RIN2: variants seen among roughly 807,000 people sequenced by gnomAD.
RIN2 encodes RAB5 interacting protein 2.
Under a neutral mutation model 78.0 loss-of-function variants are expected in RIN2, and 36 were observed. The observed-to-expected ratio is 0.46, with a 90% CI of 0.35 to 0.61. RIN2 has a LOEUF of 0.61. Ranked by LOEUF, RIN2 falls within the 20% of genes least tolerant of loss-of-function variation. The pLI is 0.00. For synonymous variants in RIN2, 466 were observed against 466.8 expected (o/e 1.00, Z 0.02); for missense variants, 1,087 against 1,159.7 (o/e 0.94, Z 0.91).
intron 2 of RIN2, among the ~76,000 whole-genome samples, chr20:19,809,855 T>C (rs998484482): frequency 6.6e-6 from 1 of 152,058 alleles, no homozygotes; most frequent in African/African-American, 2.4e-5. Flanking sequence ...TACAAGAAGA[T>C]GGCCCAAGAC....
At chr20:19,864,759 G>C (rs1404518748) in intron 2 of RIN2, among the ~76,000 whole-genome samples, 1 of 152,206 alleles carries the variant, frequency 6.6e-6, no homozygotes, top group East Asian at 1.9e-4. Flanking sequence ...ACATATACTC[G>C]CTGCCTGTGA....
chr20:19,955,239 A>G (rs900186858), intron 4 of RIN2, among the ~76,000 whole-genome samples: 1 of 152,180 alleles, frequency 6.6e-6, no homozygotes, highest in Non-Finnish European at 1.5e-5. Flanking sequence ...CTGTCACTGA[A>G]CAAGATGCTT....
intron 2 of RIN2, among the ~76,000 whole-genome samples, chr20:19,821,301 TACC>T (rs2035919405): frequency 6.6e-6 from 1 of 152,192 alleles, no homozygotes; most frequent in Admixed American, 6.5e-5. Flanking sequence ...TGGTGAATTA[TACC>T]ACTATCCACT....
intron 3 of RIN2, among the ~76,000 whole-genome samples, chr20:19,928,986 T>C (rs2040338624): frequency 6.6e-6 from 1 of 152,136 alleles, no homozygotes; most frequent in African/African-American, 2.4e-5. Flanking sequence ...ATCCCTTGGG[T>C]TGGGGTCTTT....
chr20:19,890,967 A>G (rs1295858897), intron 3 of RIN2, among the ~76,000 whole-genome samples: 11 of 152,234 alleles, frequency 7.2e-5, no homozygotes, highest in Non-Finnish European at 1.5e-4. Context: ...CTTGACAAGT[A>G]AACCCTTGTT....
intron 2 of RIN2, among the ~76,000 whole-genome samples, chr20:19,839,435 A>G (rs547085293): frequency 2.0e-5 from 3 of 152,320 alleles, no homozygotes; most frequent in African/African-American, 7.2e-5. Context: ...AGATGAAGAC[A>G]TGGAAACTCG....
At chr20:19,992,734 A>AT (rs1028098804) in intron 11 of RIN2, among the ~76,000 whole-genome samples, 73 of 152,082 alleles carry the variant, frequency 4.8e-4, no homozygotes, top group South Asian at 1.5e-3. Flanking sequence ...AATAAATGCC[A>AT]TTTTTTTTGG....
At chr20:19,839,195 G>A (rs142752943) in intron 2 of RIN2, among the ~76,000 whole-genome samples, 3 of 152,330 alleles carry the variant, frequency 2.0e-5, no homozygotes, top group East Asian at 1.9e-4. Flanking sequence ...GAACAAAACC[G>A]GTGAGAAAAG....
intron 2 of RIN2, among the ~76,000 whole-genome samples, chr20:19,840,718 TC>T (rs2036552417): frequency 6.6e-6 from 1 of 152,196 alleles, no homozygotes. Context: ...AAGCCTTGAA[TC>T]CACACAGTTC....
chr20:19,764,683 A>G (rs1004840128), intron 1 of RIN2, among the ~76,000 whole-genome samples: 1 of 152,092 alleles, frequency 6.6e-6, no homozygotes, highest in African/African-American at 2.4e-5. Context: ...TCAATCAATT[A>G]CCTAGCCTTT....
At chr20:19,943,934 A>G (rs1270899953) in intron 4 of RIN2, among the ~76,000 whole-genome samples, 1 of 149,368 alleles carries the variant, frequency 6.7e-6, no homozygotes, top group Admixed American at 6.7e-5. Context: ...CTCCAGACTA[A>G]TAGAATATTA....
At chr20:19,788,439 A>AAAAAAAAAAAAAAAAACC (rs1555818733) in intron 1 of RIN2, among the ~76,000 whole-genome samples, 4 of 132,994 alleles carry the variant, frequency 3.0e-5, no homozygotes, top group African/African-American at 1.3e-4. Flanking sequence ...TGCCAAAAAA[A>AAAAAAAAAAAAAAAAACC]AAAAAAAAAA....
chr20:19,795,643 C>T (rs2035031633), intron 1 of RIN2, among the ~76,000 whole-genome samples: 2 of 152,162 alleles, frequency 1.3e-5, no homozygotes, highest in Admixed American at 1.3e-4. Flanking sequence ...CACGTGACAG[C>T]AAATCCCCTT....
chr20:19,760,154 G>A (rs1488860384), intron 1 of RIN2, among the ~76,000 whole-genome samples: 1 of 152,166 alleles, frequency 6.6e-6, no homozygotes, highest in East Asian at 1.9e-4. Flanking sequence ...ATGCACTCCC[G>A]TGCTTTGGCA....
rs555119719 is a variant in RIN2, at chr20:19,882,964, C to G, written c.-36-6602C>G. Among the ~76,000 whole-genome samples, 4 of 152,296 alleles carry G rather than the reference C, an allele frequency of 2.6e-5. No homozygotes were observed. In the East Asian group the frequency reaches 7.7e-4, roughly 29 times the overall value. On this transcript the variant is annotated intron_variant, in intron 2 of 12. Coordinates refer to ENST00000255006, the MANE Select transcript of RIN2 (RefSeq NM_018993.4). ...TTATGTTATCAGTAAGGCTTCTGAT[C>G]AATAGTAGGCTATTTGTAGCTAAGT... is the stretch of plus-strand genomic sequence containing the variant.
At chr20:19,836,014 C>A (rs1456257746) in intron 2 of RIN2, among the ~76,000 whole-genome samples, 1 of 152,160 alleles carries the variant, frequency 6.6e-6, no homozygotes, top group East Asian at 1.9e-4. Flanking sequence ...CATGGCCAGG[C>A]CATCTGGTAT....
At chr20:19,875,588 T>C (rs1237759808) in intron 2 of RIN2, among the ~76,000 whole-genome samples, 3 of 152,176 alleles carry the variant, frequency 2.0e-5, no homozygotes, top group African/African-American at 7.2e-5. Context: ...TGAGCTATGA[T>C]TGTGCCATTG....
At chr20:19,799,985 A>G (rs1219000024) in intron 2 of RIN2, among the ~76,000 whole-genome samples, 5 of 152,206 alleles carry the variant, frequency 3.3e-5, no homozygotes, top group Non-Finnish European at 7.3e-5. Context: ...GCCCACGAGC[A>G]TAAAGGGAAA....
At chr20:19,768,686 C>T (rs954316423) in intron 1 of RIN2, among the ~76,000 whole-genome samples, 4 of 152,200 alleles carry the variant, frequency 2.6e-5, no homozygotes, top group African/African-American at 9.6e-5. Context: ...ACCTCCTGAT[C>T]GTATGAGGAG....
Sources: gnomAD v4.1 joint callset for allele counts (sites outside exome capture counted in the v4.1 genomes callset) on GRCh38, gnomAD v4.1.1 for gene constraint, MANE v1.5 for transcripts, NCBI Gene and HGNC (gene_info 2026-07-23, HGNC 2026-07-21) for gene names.